The following ROBO2 variants were observed in gnomAD, a reference collection of about 807,000 sequenced individuals.
ROBO2 encodes the protein roundabout guidance receptor 2, also known as roundabout homolog 2.
ROBO2 carries 53 observed loss-of-function variants against 160.8 expected under a neutral mutation model. The observed-to-expected ratio is 0.33, with a 90% CI of 0.26 to 0.41. The LOEUF is 0.41. Among genes scored for constraint, ROBO2 ranks in the 10% least tolerant of loss-of-function variants. The pLI is 1.00. For missense variants in ROBO2, 1,577 were observed against 1,722.4 expected (o/e 0.92, Z 1.49); for synonymous variants, 664 against 611.7 (o/e 1.09, Z -1.26).
intron 2 of ROBO2, among the ~76,000 whole-genome samples, chr3:77,410,127 CA>C (rs1294971493): frequency 1.3e-5 from 2 of 152,076 alleles, no homozygotes; most frequent in African/African-American, 4.8e-5. Context: ...TAAGTACCCA[CA>C]AGTGTACCAA....
chr3:76,301,769 T>A (rs72630397), intron 2 of ROBO2, among the ~76,000 whole-genome samples: 15,845 of 152,138 alleles, frequency 0.1, 1,630 homozygotes, highest in East Asian at 0.41. Flanking sequence ...TCATTGCTTC[T>A]GTTGTAGCTA....
At chr3:76,478,692 T>C (rs1227830449) in intron 2 of ROBO2, among the ~76,000 whole-genome samples, 1 of 150,580 alleles carries the variant, frequency 6.6e-6, no homozygotes, top group Admixed American at 6.6e-5. Flanking sequence ...TTTTTTTTTT[T>C]TTTTTTTGAG....
At chr3:75,935,527 A>T (rs1196522101) in intron 1 of ROBO2, among the ~76,000 whole-genome samples, 1 of 152,148 alleles carries the variant, frequency 6.6e-6, no homozygotes, top group African/African-American at 2.4e-5. Flanking sequence ...ATAAATCACA[A>T]AACACTTGTA....
intron 2 of ROBO2, among the ~76,000 whole-genome samples, chr3:76,053,278 G>A (rs1559870720): frequency 6.6e-6 from 1 of 151,986 alleles, no homozygotes; most frequent in East Asian, 1.9e-4. Context: ...TACATCTAAC[G>A]CAAAGTTACT....
chr3:75,938,993 T>C (rs1947917582), intron 2 of ROBO2, among the ~76,000 whole-genome samples: 1 of 152,140 alleles, frequency 6.6e-6, no homozygotes, highest in Non-Finnish European at 1.5e-5. Flanking sequence ...CCACGTTGGG[T>C]TTCTGTGGCT....
chr3:77,083,352 G>A (rs2068889303), intron 1 of ROBO2, among the ~76,000 whole-genome samples: 1 of 152,178 alleles, frequency 6.6e-6, no homozygotes, highest in African/African-American at 2.4e-5. Flanking sequence ...GTCCCAATTT[G>A]TAAGTCAATT....
chr3:76,741,093 G>A (rs2093794870), intron 2 of ROBO2, among the ~76,000 whole-genome samples: 1 of 151,956 alleles, frequency 6.6e-6, no homozygotes, highest in Non-Finnish European at 1.5e-5. Context: ...AGTCCCTGTA[G>A]GACATTTCTA....
At chr3:77,379,270 T>G (rs1402058409) in intron 2 of ROBO2, among the ~76,000 whole-genome samples, 1 of 152,176 alleles carries the variant, frequency 6.6e-6, no homozygotes, top group Non-Finnish European at 1.5e-5. Flanking sequence ...TTACATAACT[T>G]AGTTAAGGTA....
At chr3:77,289,083 A>G (rs1468097326) in intron 2 of ROBO2, among the ~76,000 whole-genome samples, 1 of 152,164 alleles carries the variant, frequency 6.6e-6, no homozygotes, top group African/African-American at 2.4e-5. Context: ...ACAAAATCAT[A>G]TACAGGCACT....
intron 2 of ROBO2, among the ~76,000 whole-genome samples, chr3:76,135,612 A>G (rs896907656): frequency 6.6e-6 from 1 of 152,144 alleles, no homozygotes; most frequent in African/African-American, 2.4e-5. Flanking sequence ...GAATCGGCCC[A>G]TGAGGAAGTC....
chr3:77,112,676 A>C (rs1189231123), intron 2 of ROBO2, among the ~76,000 whole-genome samples: 6 of 152,190 alleles, frequency 3.9e-5, no homozygotes, highest in Admixed American at 3.9e-4. Context: ...CTATTCTCCC[A>C]AAGAGAGAAT....
intron 2 of ROBO2, among the ~76,000 whole-genome samples, chr3:76,706,706 T>C (rs2093169832): frequency 6.6e-6 from 1 of 152,164 alleles, no homozygotes; most frequent in Non-Finnish European, 1.5e-5. Flanking sequence ...GTAGAATATT[T>C]CCAAGGAATT....
intron 2 of ROBO2, among the ~76,000 whole-genome samples, chr3:76,266,246 A>T (rs1045985008): frequency 9.9e-5 from 15 of 152,088 alleles, no homozygotes; most frequent in African/African-American, 3.6e-4. Flanking sequence ...TGTAAATGCA[A>T]TTTTTAAAGG....
intron 2 of ROBO2, among the ~76,000 whole-genome samples, chr3:76,910,749 A>G (rs1345814542): frequency 6.6e-6 from 1 of 151,204 alleles, no homozygotes; most frequent in African/African-American, 2.4e-5. Flanking sequence ...AAAAAAGAAA[A>G]AAAAAGAAAT....
chr3:76,907,452 A>G (rs950946124), intron 2 of ROBO2, among the ~76,000 whole-genome samples: 1 of 152,074 alleles, frequency 6.6e-6, no homozygotes, highest in Admixed American at 6.6e-5. Context: ...ACGAGATTGG[A>G]TGGCTGTATT....
intron 2 of ROBO2, among the ~76,000 whole-genome samples, chr3:76,464,257 G>T (rs957963323): frequency 5.3e-5 from 8 of 152,040 alleles, no homozygotes; most frequent in Admixed American, 1.3e-4. Context: ...AATGATGATT[G>T]GACGAATAGT....
intron 1 of ROBO2, among the ~76,000 whole-genome samples, chr3:77,060,863 T>C (rs2066230232): frequency 6.6e-6 from 1 of 152,206 alleles, no homozygotes; most frequent in Admixed American, 6.5e-5. Context: ...TACTCTTTGG[T>C]TGGAGTTATT....
At chr3:77,055,497 T>C (rs2065650688) in intron 1 of ROBO2, among the ~76,000 whole-genome samples, 1 of 152,182 alleles carries the variant, frequency 6.6e-6, no homozygotes, top group Non-Finnish European at 1.5e-5. Context: ...TATGGTAGAC[T>C]CATACTCCTT....
At chr3:76,106,253 T>A (rs1014920766) in intron 2 of ROBO2, among the ~76,000 whole-genome samples, 1 of 152,038 alleles carries the variant, frequency 6.6e-6, no homozygotes, top group South Asian at 2.1e-4. Context: ...TAACCCAGAG[T>A]GAAGCATGTT....
Sources: allele counts gnomAD v4.1 joint callset (sites outside exome capture counted in the v4.1 genomes callset), GRCh38; gene constraint gnomAD v4.1.1; transcripts MANE v1.5; gene names NCBI Gene and HGNC (gene_info 2026-07-23, HGNC 2026-07-21).